The following PDZD2 variants were observed in gnomAD, a reference collection of about 807,000 sequenced individuals.
The protein encoded by PDZD2 is PDZ domain containing 2.
In PDZD2, 90 loss-of-function variants were observed where a neutral mutation model predicts 220.7. The ratio of observed to expected loss-of-function variants is 0.41; its 90% confidence interval spans 0.34 to 0.49. The LOEUF (loss-of-function observed/expected upper bound fraction) is 0.49, where lower values mean the gene tolerates loss of function less well. Ranked by LOEUF, PDZD2 falls within the 20% of genes least tolerant of loss-of-function variation. PDZD2 has a pLI of 0.28. For missense variants in PDZD2, 3,174 were observed against 3,608.5 expected (o/e 0.88, Z 3.08); for synonymous variants, 1,375 against 1,450.5 (o/e 0.95, Z 1.18).
At chr5:31,667,157 A>G (rs1746023799) in intron 1 of PDZD2, among the ~76,000 whole-genome samples, 1 of 139,714 alleles carries the variant, frequency 7.2e-6, no homozygotes. Flanking sequence ...AATGGCTTGA[A>G]CCCAGGAGAC....
chr5:32,057,562 A>C, intron 10 of PDZD2, 93 bp from the exon 11 acceptor site: 2 of 737,092 alleles, frequency 2.7e-6, no homozygotes, highest in Non-Finnish European at 4.8e-6. Context: ...TAAATCAGGG[A>C]CCATATGGTA....
chr5:32,066,292 C>G (rs1454480356), intron 14 of PDZD2, among the ~76,000 whole-genome samples: 1 of 152,152 alleles, frequency 6.6e-6, no homozygotes, highest in Non-Finnish European at 1.5e-5. Flanking sequence ...TTGCAGTAAG[C>G]TAAGATCACG....
At chr5:31,811,624 A>C (rs1485681494) in intron 2 of PDZD2, among the ~76,000 whole-genome samples, 1 of 152,200 alleles carries the variant, frequency 6.6e-6, no homozygotes, top group African/African-American at 2.4e-5. Context: ...GGGATCACAA[A>C]TGTATCTTCA....
intron 1 of PDZD2, among the ~76,000 whole-genome samples, chr5:31,714,183 A>T (rs771487259): frequency 6.6e-6 from 1 of 152,182 alleles, no homozygotes. Context: ...TTGGCTCAGT[A>T]AGTTTTTCCA....
At chr5:32,005,958 C>A (rs1288017051) in intron 5 of PDZD2, among the ~76,000 whole-genome samples, 3 of 151,982 alleles carry the variant, frequency 2.0e-5, no homozygotes, top group Admixed American at 6.6e-5. Context: ...ACCAGCCTGC[C>A]CAACATGGTG....
At chr5:32,022,288 C>G (rs1282483462) in intron 6 of PDZD2, among the ~76,000 whole-genome samples, 3 of 149,612 alleles carry the variant, frequency 2.0e-5, no homozygotes, top group Non-Finnish European at 4.4e-5. Flanking sequence ...ACCTCTACCT[C>G]CCGGGTTCAA....
At chr5:31,864,140 C>T (rs1029018508) in intron 2 of PDZD2, among the ~76,000 whole-genome samples, 1 of 152,136 alleles carries the variant, frequency 6.6e-6, no homozygotes, top group African/African-American at 2.4e-5. Flanking sequence ...TATTTATCTC[C>T]CTAGCAGTCC....
chr5:32,062,653 C>G (rs201398290), intron 14 of PDZD2, among the ~76,000 whole-genome samples: 2 of 152,068 alleles, frequency 1.3e-5, no homozygotes, highest in East Asian at 3.9e-4. Flanking sequence ...CTTGGCCTCC[C>G]AAAGTGCTGG....
At chr5:31,885,058 G>A (rs1740324412) in intron 2 of PDZD2, among the ~76,000 whole-genome samples, 1 of 151,058 alleles carries the variant, frequency 6.6e-6, no homozygotes, top group Non-Finnish European at 1.5e-5. Flanking sequence ...GATGGATTAA[G>A]TGAATACATA....
chr5:32,006,443 A>G (rs1437185244), intron 5 of PDZD2, among the ~76,000 whole-genome samples: 1 of 151,048 alleles, frequency 6.6e-6, no homozygotes, highest in Admixed American at 6.6e-5. Context: ...GCAGCCTGAA[A>G]CCTGAGGCTC....
intron 14 of PDZD2, among the ~76,000 whole-genome samples, chr5:32,067,744 A>T (rs970352303): frequency 2.6e-5 from 4 of 152,232 alleles, no homozygotes; most frequent in African/African-American, 9.6e-5. Flanking sequence ...TTCAGTATAT[A>T]TCAGGCTTTT....
intron 1 of PDZD2, among the ~76,000 whole-genome samples, chr5:31,693,145 G>A (rs1480559246): frequency 6.6e-6 from 1 of 150,938 alleles, no homozygotes; most frequent in African/African-American, 2.4e-5. Flanking sequence ...CTGCAAGCTC[G>A]GAGCTAAGAG....
At chr5:31,724,284 TCTC>T (rs1446206855) in intron 1 of PDZD2, among the ~76,000 whole-genome samples, 1 of 151,998 alleles carries the variant, frequency 6.6e-6, no homozygotes, top group Non-Finnish European at 1.5e-5. Flanking sequence ...AGTCATGAAG[TCTC>T]CATGTTTCAG....
chr5:31,798,723 A>G (rs1754195852), intron 1 of PDZD2, among the ~76,000 whole-genome samples, 166 bp from the exon 2 acceptor site: 2 of 152,178 alleles, frequency 1.3e-5, no homozygotes, highest in South Asian at 2.1e-4. Context: ...TCCATACAGC[A>G]TGGAGGTAGC....
At chr5:31,741,148 A>G (rs979431537) in intron 1 of PDZD2, among the ~76,000 whole-genome samples, 1 of 152,036 alleles carries the variant, frequency 6.6e-6, no homozygotes, top group African/African-American at 2.4e-5. Context: ...CCCTTGTACA[A>G]GCTTTAAAAT....
intron 2 of PDZD2, among the ~76,000 whole-genome samples, chr5:31,908,103 AAAAAAGAAAG>A (rs1472370762): frequency 6.6e-6 from 1 of 151,450 alleles, no homozygotes; most frequent in South Asian, 2.1e-4. Context: ...AAAAAAAAAA[AAAAAAGAAAG>A]AAAAGGATCA....
At chr5:31,891,052 G>C (rs76315737) in intron 2 of PDZD2, among the ~76,000 whole-genome samples, 1,774 of 151,744 alleles carry the variant, frequency 0.012, 21 homozygotes, top group Non-Finnish European at 0.019. Flanking sequence ...ATTGGCTCCA[G>C]CTCCAACCTC....
chr5:31,816,513 T>G (rs1385432991), intron 2 of PDZD2, among the ~76,000 whole-genome samples: 4 of 152,188 alleles, frequency 2.6e-5, no homozygotes, highest in Non-Finnish European at 5.9e-5. Context: ...AAGGGCATTT[T>G]CAAGATGGAT....
At chr5:32,018,682 C>T (rs1753960046) in intron 6 of PDZD2, among the ~76,000 whole-genome samples, 1 of 152,246 alleles carries the variant, frequency 6.6e-6, no homozygotes, top group South Asian at 2.1e-4. Context: ...CCCACTGTCC[C>T]AAACTGAACT....
Sources: gnomAD v4.1 joint callset for allele counts (sites outside exome capture counted in the v4.1 genomes callset) on GRCh38, gnomAD v4.1.1 for gene constraint, MANE v1.5 for transcripts, NCBI Gene and HGNC (gene_info 2026-07-23, HGNC 2026-07-21) for gene names.